ARMC2: variants seen among roughly 807,000 people sequenced by gnomAD.
The protein encoded by ARMC2 is armadillo repeat containing 2.
A neutral mutation model predicts 90.3 loss-of-function variants in ARMC2; 67 were observed. The ratio of observed to expected loss-of-function variants is 0.74; its 90% confidence interval spans 0.61 to 0.91. ARMC2 has a LOEUF of 0.91. Among genes scored for constraint, ARMC2 ranks in the 40% least tolerant of loss-of-function variants. The pLI is 0.00. For synonymous variants in ARMC2, 393 were observed against 393.0 expected, an observed-to-expected ratio of 1.00 and a Z score of 0.00; for missense variants, 920 against 1,030.9, an observed-to-expected ratio of 0.89 and a Z score of 1.47.
intron 17 of ARMC2, among the ~76,000 whole-genome samples, chr6:108,972,923 C>A (rs1484077613): frequency 6.6e-6 from 1 of 151,938 alleles, no homozygotes; most frequent in Non-Finnish European, 1.5e-5. Flanking sequence ...CTACCTCAGG[C>A]TCCCAATGTG....
intron 5 of ARMC2, among the ~76,000 whole-genome samples, chr6:108,891,231 T>C (rs1770995329): frequency 6.6e-6 from 1 of 152,264 alleles, no homozygotes; most frequent in African/African-American, 2.4e-5. Context: ...TGTGTCATTA[T>C]AGTAGAATGA....
At chr6:108,903,116 C>A (rs955329321) in intron 7 of ARMC2, among the ~76,000 whole-genome samples, 1 of 152,000 alleles carries the variant, frequency 6.6e-6, no homozygotes, top group Non-Finnish European at 1.5e-5. Context: ...TGCAGTGAGC[C>A]AAGAATGTAC....
At chr6:108,870,835 A>G (rs1776330533) in intron 4 of ARMC2, among the ~76,000 whole-genome samples, 1 of 152,224 alleles carries the variant, frequency 6.6e-6, no homozygotes, top group Non-Finnish European at 1.5e-5. Context: ...TAGGCCAACA[A>G]AGTTCTGTCC....
At chr6:108,910,163 G>A (rs557367109) in intron 8 of ARMC2, among the ~76,000 whole-genome samples, 3 of 151,914 alleles carry the variant, frequency 2.0e-5, no homozygotes, top group Non-Finnish European at 2.9e-5. Flanking sequence ...ACTAATAATC[G>A]CATATATAAA....
At chr6:108,880,741 C>CTCCT (rs1382184256) in intron 5 of ARMC2, among the ~76,000 whole-genome samples, 107 of 141,238 alleles carry the variant, frequency 7.6e-4, no homozygotes, top group African/African-American at 2.7e-3. Flanking sequence ...TCTCCCTCTT[C>CTCCT]TCCTTCCTTC....
chr6:108,954,235 A>G (rs983953419), intron 13 of ARMC2, among the ~76,000 whole-genome samples: 3 of 152,180 alleles, frequency 2.0e-5, no homozygotes, highest in Admixed American at 6.5e-5. Flanking sequence ...AATTCAGTCC[A>G]TGGCAACCCC....
chr6:109,013,971 C>A, the ARMC2 span, among the ~76,000 whole-genome samples: 63 of 151,328 alleles, frequency 4.2e-4, no homozygotes, highest in African/African-American at 1.5e-3. Flanking sequence ...CCTTTTAGCA[C>A]TGAACTTTAA....
chr6:108,959,135 TTAAG>T (rs1777801768), intron 13 of ARMC2, among the ~76,000 whole-genome samples: 1 of 152,202 alleles, frequency 6.6e-6, no homozygotes, highest in South Asian at 2.1e-4. Flanking sequence ...CAAGTATCCA[TTAAG>T]TGTCTACCAG....
At chr6:109,025,249 C>T in the ARMC2 span, among the ~76,000 whole-genome samples, 185 of 152,030 alleles carry the variant, frequency 1.2e-3, 1 homozygote, top group African/African-American at 4.0e-3. Context: ...CCTGAATATT[C>T]ATAAACACAA....
the ARMC2 span, among the ~76,000 whole-genome samples, chr6:109,012,244 CTTTTTTT>C: frequency 6.5e-5 from 9 of 138,944 alleles, no homozygotes; most frequent in African/African-American, 2.1e-4. Flanking sequence ...TTTGATATTT[CTTTTTTT>C]TTTTTTTTTG....
At chr6:108,959,194 G>A (rs1030002905) in intron 13 of ARMC2, among the ~76,000 whole-genome samples, 4 of 152,126 alleles carry the variant, frequency 2.6e-5, no homozygotes, top group East Asian at 3.8e-4. Flanking sequence ...GGCCACTGGC[G>A]GAAGGAACAG....
Position 108,973,529 on chromosome 6 carries a change from A to C in ARMC2, c.*15A>C. The C allele has an allele frequency of 6.9e-6, 11 of 1,595,356 alleles. No individual in the cohort carries two copies. Among genetic ancestry groups the C allele is most frequent in the Non-Finnish European group, 9.4e-6 (11 of 1,169,120 alleles). On this transcript the variant is annotated 3_prime_UTR_variant, in exon 18 of 18. Transcript: ENST00000392644. ...CCTCTTTCTAACATGATGCAGATTA[A>C]CAGTAGAAACGAGAACTCACGTCTC... is the stretch of plus-strand genomic sequence containing the variant.
chr6:108,990,815 A>G, the ARMC2 span: 46 of 1,613,868 alleles, frequency 2.9e-5, no homozygotes, highest in East Asian at 6.7e-5. Context: ...AAGAATAACC[A>G]TGATCTTCCC....
At chr6:108,858,599 TAGA>T (rs1774900687) in intron 3 of ARMC2, among the ~76,000 whole-genome samples, 1 of 150,722 alleles carries the variant, frequency 6.6e-6, no homozygotes, top group African/African-American at 2.4e-5. Context: ...ATACAAAAAT[TAGA>T]TGTATAATTT....
chr6:109,006,879 T>G, the ARMC2 span, among the ~76,000 whole-genome samples: 1 of 152,200 alleles, frequency 6.6e-6, no homozygotes, highest in African/African-American at 2.4e-5. Context: ...TTAATTCAAT[T>G]ATTCCTTCAT....
chr6:108,928,207 C>T lies in ARMC2; in HGVS notation c.1470C>T (p.Val490=). 6.4e-7 allele frequency: 1 copy of T among 1,573,766 alleles called. No individual in the cohort carries two copies. Residue 490 remains valine, a synonymous_variant, in exon 11 of 18, where the codon GTC becomes GTT. Coordinates refer to ENST00000392644, the MANE Select transcript of ARMC2 (RefSeq NM_032131.6). ...AACAGTACAAGGGTGACAAGGACGT[C>T]TGTACCAATATTGCCAGAATATTCA... ...AMEQYKGDKD[V]CTNIARIFSK...
In ARMC2 at chr6:108,973,778, C is replaced by G; in HGVS notation, c.*264C>G. 1 of 296,074 alleles carries G rather than the reference C, an allele frequency of 3.4e-6. No homozygotes were observed. The highest frequency in any genetic ancestry group is 6.3e-6 in the Non-Finnish European group (1 of 158,848). The allele number at this position is 296,074 out of a possible 1,614,324, so 18.3% of individuals were successfully genotyped here. A position where few individuals can be genotyped will look rare whatever the true frequency, so the allele number is the denominator to read the frequency against. ...ATTTTCAAGTAAATGACTTTTTCTTCTATTCTCTATTAAACAATTTAGTTC... is the reference window on the plus strand; with the variant it reads ...ATTTTCAAGTAAATGACTTTTTCTTGTATTCTCTATTAAACAATTTAGTTC... On this transcript the variant is annotated 3_prime_UTR_variant, in exon 18 of 18. Transcript: ENST00000392644.
chr6:108,989,941 A>G, the ARMC2 span, among the ~76,000 whole-genome samples: 1 of 152,136 alleles, frequency 6.6e-6, no homozygotes, highest in Non-Finnish European at 1.5e-5. Context: ...CTGGCTACTG[A>G]TTAGTGGGAA....
intron 3 of ARMC2, among the ~76,000 whole-genome samples, chr6:108,858,539 A>G (rs1774891490): frequency 6.6e-6 from 1 of 151,474 alleles, no homozygotes; most frequent in Non-Finnish European, 1.5e-5. Context: ...ATTTCACAAT[A>G]TTTTTGCTTT....
Sources: allele counts gnomAD v4.1 joint callset (sites outside exome capture counted in the v4.1 genomes callset), GRCh38; gene constraint gnomAD v4.1.1; transcripts MANE v1.5; gene names NCBI Gene and HGNC (gene_info 2026-07-23, HGNC 2026-07-21).